Variants in RPS10 observed in about 807,000 individuals in gnomAD.
The protein encoded by RPS10 is small ribosomal subunit protein eS10.
In RPS10, 2 loss-of-function variants were observed where a neutral mutation model predicts 22.6. The observed-to-expected ratio is 0.09, with a 90% confidence interval of 0.04 to 0.28. The LOEUF (loss-of-function observed/expected upper bound fraction) is 0.28. RPS10 is among the 10% of genes least tolerant of loss of function. The probability of loss-of-function intolerance (pLI) is 1.00; values close to 1 mark genes in which losing one functional copy is unlikely to be tolerated. For missense variants in RPS10, 137 were observed against 222.2 expected (o/e 0.62, Z 2.44); for synonymous variants, 70 against 75.9 (o/e 0.92, Z 0.40).
chr6:34,425,415 A>T (rs925777436), intron 1 of RPS10, 194 bp from the exon 2 acceptor site: 11 of 664,566 alleles, frequency 1.7e-5, no homozygotes, highest in Admixed American at 9.7e-5. Flanking sequence ...CAGGTGGAAA[A>T]GTTGACAGTA....
At chr6:34,420,098 T>C (rs763173913) in intron 4 of RPS10, among the ~76,000 whole-genome samples, 2 of 152,236 alleles carry the variant, frequency 1.3e-5, no homozygotes, top group Non-Finnish European at 2.9e-5. Flanking sequence ...TCAAATAACC[T>C]GTTTCCACTT....
intron 2 of RPS10, 108 bp downstream of exon 2, chr6:34,424,964 G>T: frequency 1.4e-5 from 22 of 1,608,436 alleles, no homozygotes; most frequent in Non-Finnish European, 1.7e-5. Flanking sequence ...CTCCCTTTTT[G>T]AACTTGCCTT....
At chr6:34,424,974 T>C in intron 2 of RPS10, 98 bp downstream of exon 2, 1 of 1,610,180 alleles carries the variant, frequency 6.2e-7, no homozygotes. Context: ...GAACTTGCCT[T>C]GAACCTTAGG....
intron 4 of RPS10, among the ~76,000 whole-genome samples, chr6:34,418,905 T>C (rs1455065964): frequency 1.3e-5 from 2 of 152,180 alleles, no homozygotes; most frequent in Non-Finnish European, 2.9e-5. Context: ...GACAGGGTCT[T>C]ACTCTGTCAC....
At chr6:34,425,678 C>A in intron 1 of RPS10, 1 of 197,576 alleles carries the variant, frequency 5.1e-6, no homozygotes, top group South Asian at 8.1e-5. Flanking sequence ...GCACCCTCGT[C>A]TCCTACCTAC....
At chr6:34,425,740 G>T (rs1290514313) in intron 1 of RPS10, 1 of 171,424 alleles carries the variant, frequency 5.8e-6, no homozygotes, top group African/African-American at 2.4e-5. Flanking sequence ...GCAGTCGGGG[G>T]AGTCCTGTTC....
chr6:34,424,160 A>AAAAAAAAAAAAAAAAAAAAAC (rs1561939859), intron 3 of RPS10: 1 of 150,924 alleles, frequency 6.6e-6, no homozygotes, highest in African/African-American at 2.5e-5. Flanking sequence ...AAAAAAAAAA[A>AAAAAAAAAAAAAAAAAAAAAC]AAAAGCAACT....
intron 5 of RPS10, chr6:34,417,830 C>T (rs879737901): frequency 2.8e-6 from 2 of 718,382 alleles, no homozygotes; most frequent in African/African-American, 1.7e-5. Context: ...AGGATTGGAC[C>T]GTTTCTACTG....
chr6:34,425,017 C>T (rs1765906290), intron 2 of RPS10, 55 bp downstream of exon 2: 11 of 1,611,182 alleles, frequency 6.8e-6, no homozygotes, highest in African/African-American at 2.7e-5. Flanking sequence ...CATCCCATCC[C>T]GGGATGGGAT....
intron 5 of RPS10, chr6:34,417,931 T>C (rs1022292436): frequency 1.4e-6 from 1 of 718,032 alleles, no homozygotes; most frequent in African/African-American, 1.7e-5. Flanking sequence ...GCCAGTACTA[T>C]GCCTGGATTA....
chr6:34,418,979 A>C (rs1338652962), intron 4 of RPS10, among the ~76,000 whole-genome samples: 1 of 151,790 alleles, frequency 6.6e-6, no homozygotes, highest in Non-Finnish European at 1.5e-5. Flanking sequence ...GGCTCAAGCG[A>C]TCCTCCCACC....
chr6:34,425,277 G>T, intron 1 of RPS10, 56 bp from the exon 2 acceptor site: 3 of 1,551,724 alleles, frequency 1.9e-6, no homozygotes, highest in Non-Finnish European at 2.6e-6. Context: ...CCGGGGCCCG[G>T]TAATCAAGTT....
intron 3 of RPS10, chr6:34,424,393 T>C (rs1299054628): frequency 6.6e-6 from 3 of 454,674 alleles, no homozygotes; most frequent in African/African-American, 5.9e-5. Context: ...CGGGAAAAGT[T>C]ACTCAATATT....
chr6:34,425,290 T>G, intron 1 of RPS10, 69 bp from the exon 2 acceptor site: 1 of 1,541,362 alleles, frequency 6.5e-7, no homozygotes, highest in Non-Finnish European at 8.7e-7. Flanking sequence ...ATCAAGTTCT[T>G]GATCCTAAAG....
At chr6:34,424,620 A>G in intron 3 of RPS10, 49 bp downstream of exon 3, 1 of 1,611,174 alleles carries the variant, frequency 6.2e-7, no homozygotes, top group South Asian at 1.1e-5. Flanking sequence ...TCCCTTACAC[A>G]AAAGAAACTA....
Position 34,417,883 on chromosome 6 carries a change from G to A in RPS10, c.457-336C>T, listed in dbSNP as rs183984949. ...CAAATGACATTATCTGAGAGCAATC[G>A]TGTGCTATGAGGACCTGCCATAGGA... is the stretch of plus-strand genomic sequence containing the variant. On this transcript the variant is annotated intron_variant, in intron 5 of 5. Transcript: ENST00000648437. 5.3e-5 allele frequency: 38 copies of A among 717,992 alleles called. No individual in the cohort carries two copies. The East Asian group carries it at 8.3e-4, about 16-fold the overall frequency. 44.5% of individuals were successfully genotyped at this position (717,992 alleles called of 1,614,324 possible). A position where few individuals can be genotyped will look rare whatever the true frequency, so the allele number is the denominator to read the frequency against.
chr6:34,425,031 G>A (rs1208583988), intron 2 of RPS10, 41 bp downstream of exon 2: 5 of 1,611,098 alleles, frequency 3.1e-6, no homozygotes, highest in Middle Eastern at 4.3e-4. Context: ...ATGGGATCCC[G>A]GGGAGGAAGA....
intron 3 of RPS10, among the ~76,000 whole-genome samples, chr6:34,423,539 T>C (rs1166357273): frequency 6.6e-6 from 1 of 152,186 alleles, no homozygotes; most frequent in Non-Finnish European, 1.5e-5. Flanking sequence ...TAGGCACTGG[T>C]ATTTTTTTCT....
intron 4 of RPS10, among the ~76,000 whole-genome samples, chr6:34,419,101 C>T (rs1328862323): frequency 6.6e-6 from 1 of 152,030 alleles, no homozygotes; most frequent in Non-Finnish European, 1.5e-5. Flanking sequence ...TCACTGCAAC[C>T]TCCGCCTCCC....
Sources: allele counts gnomAD v4.1 joint callset (sites outside exome capture counted in the v4.1 genomes callset), GRCh38; gene constraint gnomAD v4.1.1; transcripts MANE v1.5; gene names NCBI Gene and HGNC (gene_info 2026-07-23, HGNC 2026-07-21).